Variants in SDK1 observed in about 807,000 individuals in gnomAD.
SDK1 encodes the protein protein sidekick-1.
In SDK1, 157 loss-of-function variants were observed where a neutral mutation model predicts 245.5. The ratio of observed to expected loss-of-function variants is 0.64; its 90% CI spans 0.56 to 0.73. The LOEUF is 0.73. Among genes scored for constraint, SDK1 ranks in the 30% least tolerant of loss-of-function variants. The pLI, the probability that SDK1 is intolerant of heterozygous loss-of-function variation, is 0.00. For synonymous variants in SDK1, 1,647 were observed against 1,278.5 expected, an observed-to-expected ratio of 1.29 and a Z score of -6.15; for missense variants, 3,583 against 3,002.3, an observed-to-expected ratio of 1.19 and a Z score of -4.52.
At chr7:3,904,003 C>T (rs1280718816) in intron 5 of SDK1, among the ~76,000 whole-genome samples, 2 of 152,150 alleles carry the variant, frequency 1.3e-5, no homozygotes, top group African/African-American at 4.8e-5. Flanking sequence ...CTGAGGCCCT[C>T]ACCACATGCA....
intron 19 of SDK1, among the ~76,000 whole-genome samples, chr7:4,060,557 G>C (rs1323210729): frequency 6.6e-6 from 1 of 151,964 alleles, no homozygotes; most frequent in African/African-American, 2.4e-5. Context: ...TGTCAGATGA[G>C]TAGGTTGCAA....
At chr7:3,986,192 TA>T (rs1405717733) in intron 13 of SDK1, among the ~76,000 whole-genome samples, 1 of 118,926 alleles carries the variant, frequency 8.4e-6, no homozygotes, top group African/African-American at 2.7e-5. Flanking sequence ...TAAGTCCCAG[TA>T]AAAACTTTTT....
intron 4 of SDK1, among the ~76,000 whole-genome samples, chr7:3,704,318 G>A (rs533061159): frequency 2.7e-5 from 4 of 148,314 alleles, no homozygotes; most frequent in South Asian, 2.1e-4. Context: ...CTTTATCCAC[G>A]CATTGTTCGA....
intron 1 of SDK1, among the ~76,000 whole-genome samples, chr7:3,447,318 G>A (rs1196532537): frequency 6.6e-6 from 1 of 152,108 alleles, no homozygotes; most frequent in Non-Finnish European, 1.5e-5. Flanking sequence ...CTAGCTGATT[G>A]TGTACCATCT....
intron 1 of SDK1, among the ~76,000 whole-genome samples, chr7:3,468,646 T>C (rs1781086984): frequency 2.0e-5 from 2 of 97,772 alleles, no homozygotes; most frequent in African/African-American, 8.0e-5. Flanking sequence ...GGAAGGAGTA[T>C]TGAATACATG....
chr7:3,468,308 G>C (rs1364442263), intron 1 of SDK1, among the ~76,000 whole-genome samples: 1 of 152,138 alleles, frequency 6.6e-6, no homozygotes. Flanking sequence ...TTTATTAACT[G>C]TGTTGGGACT....
At chr7:4,005,393 A>AGTGTGTGTGTGTGTGT (rs71032920) in intron 14 of SDK1, among the ~76,000 whole-genome samples, 14 of 129,908 alleles carry the variant, frequency 1.1e-4, no homozygotes, top group South Asian at 5.6e-4. Context: ...TTCTTATGTG[A>AGTGTGTGTGTGTGTGT]GTGTGTGTGT....
chr7:3,950,671 G>T (rs540664003), intron 5 of SDK1, among the ~76,000 whole-genome samples: 2 of 152,256 alleles, frequency 1.3e-5, no homozygotes, highest in African/African-American at 4.8e-5. Flanking sequence ...AATATCGGAA[G>T]TCAAAACGCG....
chr7:3,684,021 T>C (rs930202), intron 4 of SDK1, among the ~76,000 whole-genome samples: 128,514 of 152,142 alleles, frequency 0.84, 54,458 homozygotes, highest in African/African-American at 0.88. Context: ...GTAATGTGCA[T>C]CTCCACCGCT....
chr7:4,038,605 T>C (rs981463049), intron 17 of SDK1, among the ~76,000 whole-genome samples: 5 of 152,230 alleles, frequency 3.3e-5, no homozygotes, highest in African/African-American at 1.2e-4. Flanking sequence ...TTATTTCCTG[T>C]GCTTCACTGG....
chr7:3,356,367 C>T (rs1383830770), intron 1 of SDK1, among the ~76,000 whole-genome samples: 1 of 152,152 alleles, frequency 6.6e-6, no homozygotes, highest in Non-Finnish European at 1.5e-5. Flanking sequence ...AAGTAGGACG[C>T]TGCCAGCTCT....
chr7:3,305,080 G>T (rs1779382321), intron 1 of SDK1, among the ~76,000 whole-genome samples: 1 of 152,146 alleles, frequency 6.6e-6, no homozygotes, highest in African/African-American at 2.4e-5. Flanking sequence ...TGGACCTTGG[G>T]CCTGTGTTCA....
intron 14 of SDK1, among the ~76,000 whole-genome samples, chr7:4,004,718 C>A (rs1355429630): frequency 6.6e-6 from 1 of 152,092 alleles, no homozygotes; most frequent in African/African-American, 2.4e-5. Context: ...TCAATTCATC[C>A]CTAAGTGATC....
chr7:4,182,549 G>T lies in SDK1; in HGVS notation c.5098+3963G>T, dbSNP rs535585485. 1.3e-5 allele frequency among the ~76,000 whole-genome samples: 2 copies of T among 152,330 alleles called. 1 individual carries two copies. Among genetic ancestry groups the T allele is most frequent in the African/African-American group, 4.8e-5 (2 of 41,578 alleles). On this transcript the variant is annotated intron_variant, in intron 35 of 44. Transcript: ENST00000404826. ...CAGGGCCTCCCAGATATGCTGAGAT[G>T]AAGGCAGGTGGAATCAGTGTCTCAT...
chr7:4,240,295 G>A (rs558580469), intron 42 of SDK1, among the ~76,000 whole-genome samples: 4 of 152,182 alleles, frequency 2.6e-5, no homozygotes, highest in African/African-American at 7.2e-5. Flanking sequence ...AATTGAAGCC[G>A]GGAAAAAATA....
chr7:3,394,589 G>A (rs1213816537), intron 1 of SDK1, among the ~76,000 whole-genome samples: 1 of 150,910 alleles, frequency 6.6e-6, no homozygotes, highest in Non-Finnish European at 1.5e-5. Context: ...GGATTATTTT[G>A]AATGTATAGA....
At chr7:3,755,720 GTAATT>G (rs1779904062) in intron 4 of SDK1, among the ~76,000 whole-genome samples, 1 of 151,964 alleles carries the variant, frequency 6.6e-6, no homozygotes, top group Non-Finnish European at 1.5e-5. Flanking sequence ...GTTTGCCCCT[GTAATT>G]TTGTTATTTT....
chr7:3,302,583 C>T (rs1417338046), intron 1 of SDK1: 4 of 152,054 alleles, frequency 2.6e-5, no homozygotes, highest in Non-Finnish European at 5.9e-5. Context: ...GTGAAACGAG[C>T]TTTCCTTCCC....
intron 4 of SDK1, among the ~76,000 whole-genome samples, chr7:3,778,514 C>G (rs1402178448): frequency 6.6e-6 from 1 of 152,182 alleles, no homozygotes; most frequent in Non-Finnish European, 1.5e-5. Context: ...TTTGTTTCAT[C>G]TAACAGTTAT....
Sources: gnomAD v4.1 joint callset for allele counts (sites outside exome capture counted in the v4.1 genomes callset) on GRCh38, gnomAD v4.1.1 for gene constraint, MANE v1.5 for transcripts, NCBI Gene and HGNC (gene_info 2026-07-23, HGNC 2026-07-21) for gene names.